The following PPM1H variants were observed in gnomAD, a reference collection of about 807,000 sequenced individuals.
PPM1H encodes protein phosphatase 1H.
In PPM1H, 27 loss-of-function variants were observed where a neutral mutation model predicts 54.9. The observed-to-expected ratio is 0.49, with a 90% confidence interval of 0.36 to 0.68. The LOEUF is 0.68. Ranked by LOEUF, PPM1H falls within the 30% of genes least tolerant of loss-of-function variation. The pLI is 0.00. For missense variants in PPM1H, 596 were observed against 667.8 expected, an observed-to-expected ratio of 0.89 and a Z score of 1.19; for synonymous variants, 305 against 270.8, an observed-to-expected ratio of 1.13 and a Z score of -1.24.
intron 6 of PPM1H, among the ~76,000 whole-genome samples, chr12:62,708,108 C>A (rs1035821023): frequency 6.6e-6 from 1 of 152,252 alleles, no homozygotes; most frequent in Non-Finnish European, 1.5e-5. Flanking sequence ...CACACTAGTT[C>A]TGAAACACCG....
At chr12:62,663,004 T>C (rs1283074665) in intron 9 of PPM1H, among the ~76,000 whole-genome samples, 1 of 152,208 alleles carries the variant, frequency 6.6e-6, no homozygotes, top group East Asian at 1.9e-4. Flanking sequence ...CTATGGCTTA[T>C]TAAACTCAAC....
intron 1 of PPM1H, among the ~76,000 whole-genome samples, chr12:62,911,477 G>A (rs1303168580): frequency 6.6e-6 from 1 of 152,152 alleles, no homozygotes. Flanking sequence ...TTACCTAAAT[G>A]TACGAGTCAG....
chr12:62,652,773 G>C (rs1158803610), intron 9 of PPM1H, among the ~76,000 whole-genome samples: 2 of 151,518 alleles, frequency 1.3e-5, no homozygotes, highest in Non-Finnish European at 2.9e-5. Flanking sequence ...ACCTTTTTTT[G>C]AGCCTGCCTT....
chr12:62,692,206 A>AG (rs2076086960), intron 7 of PPM1H, among the ~76,000 whole-genome samples: 1 of 152,214 alleles, frequency 6.6e-6, no homozygotes, highest in African/African-American at 2.4e-5. Flanking sequence ...GTCCTCAGAA[A>AG]GGGGTGGTAT....
At chr12:62,780,595 C>T (rs1041837179) in intron 4 of PPM1H, among the ~76,000 whole-genome samples, 6 of 152,200 alleles carry the variant, frequency 3.9e-5, no homozygotes, top group Non-Finnish European at 5.9e-5. Flanking sequence ...CATGAGCCAC[C>T]GTAACTGACT....
intron 4 of PPM1H, 60 bp downstream of exon 4, chr12:62,788,165 CA>C (rs1305962526): frequency 1.8e-6 from 2 of 1,118,098 alleles, no homozygotes; most frequent in African/African-American, 3.1e-5. Context: ...ATTTTTGAGA[CA>C]AAATAAAAAC....
At position 62,646,063 on chromosome 12, in the gene PPM1H, T is replaced by TTCA. The variant is rs2075783263; in HGVS notation, c.*2423_*2425dup. 6.6e-6 allele frequency: 1 copy of TTCA among 152,232 alleles called. No homozygotes were observed. The highest frequency in any genetic ancestry group is 2.4e-5 in the African/African-American group (1 of 41,454). 9.4% of individuals were successfully genotyped at this position (152,232 alleles called of 1,614,324 possible). ...CATCATGTTTCCTACTTTTGATTTC[T>TTCA]TCATCTTATTTATAGTCTTCCTCCC... On this transcript the variant is annotated 3_prime_UTR_variant, in exon 10 of 10. Transcript: ENST00000228705.
chr12:62,730,145 T>C (rs2076312549), intron 5 of PPM1H, among the ~76,000 whole-genome samples: 1 of 151,988 alleles, frequency 6.6e-6, no homozygotes, highest in Non-Finnish European at 1.5e-5. Flanking sequence ...CCCACCCCTA[T>C]CTCCCTTTGC....
chr12:62,737,665 T>TCACA (rs2076357992), intron 4 of PPM1H, 79 bp from the exon 5 acceptor site: 1 of 1,022,814 alleles, frequency 9.8e-7, no homozygotes, highest in Admixed American at 2.8e-5. Context: ...TTGGTTCAGG[T>TCACA]CACACATGAA....
At chr12:62,750,136 A>G (rs2076434204) in intron 4 of PPM1H, among the ~76,000 whole-genome samples, 1 of 152,164 alleles carries the variant, frequency 6.6e-6, no homozygotes, top group Non-Finnish European at 1.5e-5. Flanking sequence ...ATACCATAAA[A>G]TATACCCTCT....
intron 4 of PPM1H, chr12:62,755,597 C>T (rs1268428349): frequency 3.0e-6 from 2 of 656,318 alleles, no homozygotes; most frequent in Non-Finnish European, 5.5e-6. Flanking sequence ...TCTGCCCCTT[C>T]TGCTGACACC....
intron 4 of PPM1H, among the ~76,000 whole-genome samples, chr12:62,742,987 G>A (rs971382288): frequency 2.0e-5 from 3 of 152,178 alleles, no homozygotes; most frequent in African/African-American, 7.2e-5. Context: ...TGAACAGTAA[G>A]GTTTAGGGTG....
rs573578565 is a variant in PPM1H at position 62,870,220 on chromosome 12, G to A, written c.246-37941C>T. 3.9e-5 allele frequency among the ~76,000 whole-genome samples: 6 copies of A among 152,274 alleles called. No individual in the cohort carries two copies. In the South Asian group the frequency reaches 1.2e-3, roughly 32 times the overall value. ...GAGATTGGAGATGCCTTGAGTCAGG[G>A]AGGGCATCCAGAGAAGAATCTAATC... On this transcript the variant is annotated intron_variant, in intron 1 of 9. Coordinates refer to ENST00000228705, the MANE Select transcript of PPM1H (RefSeq NM_020700.2).
intron 1 of PPM1H, among the ~76,000 whole-genome samples, chr12:62,919,881 G>A (rs761743005): frequency 7.9e-5 from 12 of 151,922 alleles, no homozygotes; most frequent in African/African-American, 9.7e-5. Context: ...ACTGATGACA[G>A]GGGAATGGGG....
chr12:62,890,705 CGT>C (rs1288343988), intron 1 of PPM1H, among the ~76,000 whole-genome samples: 12 of 133,418 alleles, frequency 9.0e-5, no homozygotes, highest in East Asian at 6.9e-4. Flanking sequence ...AATATCATTT[CGT>C]GTGTGTGTAT....
intron 4 of PPM1H, among the ~76,000 whole-genome samples, chr12:62,780,693 G>A (rs2076636875): frequency 6.6e-6 from 1 of 152,064 alleles, no homozygotes; most frequent in African/African-American, 2.4e-5. Context: ...ACTTTCCCAG[G>A]CACTAAAGGA....
intron 3 of PPM1H, among the ~76,000 whole-genome samples, chr12:62,799,706 A>G (rs1044707864): frequency 5.3e-5 from 8 of 152,210 alleles, no homozygotes; most frequent in African/African-American, 1.9e-4. Flanking sequence ...AGGCTATCAG[A>G]CAGTCTTGAG....
chr12:62,912,027 T>C (rs1412478379), intron 1 of PPM1H, among the ~76,000 whole-genome samples: 1 of 152,202 alleles, frequency 6.6e-6, no homozygotes, highest in Non-Finnish European at 1.5e-5. Flanking sequence ...ATATTCCTTA[T>C]TAAATCTTTG....
At position 62,832,192 on chromosome 12, in the gene PPM1H, G is replaced by A. The variant is rs768628770; in HGVS notation, c.333C>T (p.Thr111=). 6.2e-7 allele frequency: 1 copy of A among 1,613,830 alleles called. No individual in the cohort carries two copies. The highest frequency in any genetic ancestry group is 8.5e-7 in the Non-Finnish European group (1 of 1,179,820). The change falls in exon 2 of 10, where the codon ACC becomes ACT. Residue 111 remains threonine (T), a synonymous_variant. Coordinates refer to ENST00000228705, the MANE Select transcript of PPM1H (RefSeq NM_020700.2). ...TGGATGAGTTCCTGTTTGGGGTTGA[G>A]GTCACGGCCCCTGCCTTCTTCTTCA... is the stretch of plus-strand genomic sequence containing the variant. ...LTVKKKAGAV[T]STPNRNSSKR...
Sources: gnomAD v4.1 joint callset for allele counts (sites outside exome capture counted in the v4.1 genomes callset) on GRCh38, gnomAD v4.1.1 for gene constraint, MANE v1.5 for transcripts, NCBI Gene and HGNC (gene_info 2026-07-23, HGNC 2026-07-21) for gene names.